XDH: variants seen among roughly 807,000 people sequenced by gnomAD.
XDH encodes xanthine dehydrogenase/oxidase.
XDH carries 138 observed loss-of-function variants against 156.1 expected under a neutral mutation model. The ratio of observed to expected loss-of-function variants is 0.88; its 90% CI spans 0.77 to 1.02. The LOEUF (loss-of-function observed/expected upper bound fraction) is 1.02. Among genes scored for constraint, XDH ranks in the 50% least tolerant of loss-of-function variants. XDH has a pLI of 0.00. For missense variants in XDH, 1,849 were observed against 1,684.9 expected, an observed-to-expected ratio of 1.10 and a Z score of -1.71; for synonymous variants, 669 against 625.7, an observed-to-expected ratio of 1.07 and a Z score of -1.03.
At chr2:31,353,429 C>G (rs554534766) in intron 24 of XDH, among the ~76,000 whole-genome samples, 2 of 152,214 alleles carry the variant, frequency 1.3e-5, no homozygotes, top group South Asian at 4.2e-4. Flanking sequence ...ACTAAAAACT[C>G]TGGAATTCTA....
rs750910746 is a variant in XDH at position 31,348,972 on chromosome 2, C to A, written c.2978G>T (p.Cys993Phe). 2.5e-6 allele frequency: 4 copies of A among 1,613,350 alleles called. No individual in the cohort carries two copies. The highest frequency in any genetic ancestry group is 2.5e-6 in the Non-Finnish European group (3 of 1,179,260). Residue 993 changes from cysteine to phenylalanine, a missense_variant, in exon 27 of 36, where the codon TGT becomes TTT. Physicochemically the swap from Cys to Phe is radical, Grantham distance 205. Transcript: ENST00000379416. ...TATGCACAATCCTCTCTTTTTCCAACAATTCTCCCTAGAGAAAAAGGAATA... is the reference window on the plus strand; with the variant it reads ...TATGCACAATCCTCTCTTTTTCCAAAAATTCTCCCTAGAGAAAAAGGAATA... ...SEVDKFNKEN[C>F]WKKRGLCIIP...
At chr2:31,347,014 C>A (rs1479975257) in intron 29 of XDH, among the ~76,000 whole-genome samples, 171 bp from the exon 30 acceptor site, 1 of 152,182 alleles carries the variant, frequency 6.6e-6, no homozygotes, top group South Asian at 2.1e-4. Flanking sequence ...GTAGAATCGA[C>A]AGGACCTGGC....
At chr2:31,405,847 C>G in intron 2 of XDH, 60 bp downstream of exon 2, 1 of 1,597,190 alleles carries the variant, frequency 6.3e-7, no homozygotes, top group Non-Finnish European at 8.6e-7. Context: ...AATGTAAGGC[C>G]TACAGAATCA....
Position 31,375,428 on chromosome 2 carries a change from C to T in XDH, c.1554G>A (p.Lys518=), listed in dbSNP as rs143879399. 3.1e-6 allele frequency: 5 copies of T among 1,614,080 alleles called. No individual in the cohort carries two copies. The African/African-American group carries it at 6.7e-5, about 22-fold the overall frequency. ...RCTLTLSFFF[K]FYLTVLQKLG... ...GCTTCTGAAGGACTGTCAGGTAGAA[C>T]TTGAAGAAGAAGCTGAGGGTGAGGG... The change falls in exon 15 of 36, where the codon AAG becomes AAA. Residue 518 remains lysine, a synonymous_variant. Coordinates refer to ENST00000379416, the MANE Select transcript of XDH (RefSeq NM_000379.4).
chr2:31,365,136 T>A (rs1027593192), intron 23 of XDH, among the ~76,000 whole-genome samples: 2 of 152,222 alleles, frequency 1.3e-5, no homozygotes, highest in African/African-American at 2.4e-5. Context: ...CCTGTGATCA[T>A]GTTAATGTTG....
At chr2:31,353,264 C>A (rs991996031) in intron 24 of XDH, among the ~76,000 whole-genome samples, 1 of 152,216 alleles carries the variant, frequency 6.6e-6, no homozygotes, top group Non-Finnish European at 1.5e-5. Context: ...TGGTCTTACC[C>A]TGGTCATTTA....
intron 14 of XDH, 50 bp from the exon 15 acceptor site, chr2:31,375,604 C>A: frequency 6.3e-7 from 1 of 1,595,510 alleles, no homozygotes; most frequent in Non-Finnish European, 8.5e-7. Flanking sequence ...CCCTCCAGAC[C>A]CCTTTGTGTA....
Position 31,365,502 on chromosome 2 carries a change from G to T in XDH, c.2499C>A (p.Asp833Glu), listed in dbSNP as rs766669526. The change falls in exon 23 of 36, where the codon GAC (aspartate) becomes GAA (glutamate). Residue 833 changes from aspartate (D) to glutamate (E), a missense_variant. Asp to Glu is a conservative substitution (Grantham distance 45, BLOSUM62 2). Transcript: ENST00000379416. ...PVRCMLDRDE[D>E]MLITGGRHPF... ...GATGTCTGCCACCAGTTATCAGCAT[G>T]TCCTCATCACGGTCCAGCATGCATC... 6.2e-7 allele frequency: 1 copy of T among 1,614,146 alleles called. No individual in the cohort carries two copies. The highest frequency in any genetic ancestry group is 8.5e-7 in the Non-Finnish European group (1 of 1,180,026).
intron 8 of XDH, among the ~76,000 whole-genome samples, chr2:31,386,992 GA>G (rs1157396262): frequency 1.2e-4 from 1 of 8,122 alleles, no homozygotes. Flanking sequence ...GGGAAGAAAG[GA>G]AGGAAGGAAG....
intron 6 of XDH, among the ~76,000 whole-genome samples, chr2:31,391,076 C>G (rs866037509): frequency 3.3e-5 from 5 of 152,098 alleles, no homozygotes; most frequent in Non-Finnish European, 7.4e-5. Context: ...TAGGTTTTCT[C>G]CTATGTCATC....
intron 24 of XDH, among the ~76,000 whole-genome samples, chr2:31,351,351 T>C (rs1685474946): frequency 6.6e-6 from 1 of 152,210 alleles, no homozygotes; most frequent in South Asian, 2.1e-4. Context: ...TTTTCCCCAA[T>C]TCTAAAAATC....
At position 31,335,635 on chromosome 2, in the gene XDH, T is replaced by C; in HGVS notation, c.*323A>G. ...GACAGACACCATCAGAACTTGAGGT[T>C]ATACAGGCTGTCCAGTAAGTGGGGA... is the stretch of plus-strand genomic sequence containing the variant. On this transcript the variant is annotated 3_prime_UTR_variant, in exon 36 of 36. Coordinates refer to ENST00000379416, the MANE Select transcript of XDH (RefSeq NM_000379.4). 2.2e-6 allele frequency: 1 copy of C among 449,834 alleles called. No individual in the cohort carries two copies. The highest frequency in any genetic ancestry group is 2.0e-5 in the African/African-American group (1 of 50,484). The allele number at this position is 449,834 out of a possible 1,614,324, so 27.9% of individuals were successfully genotyped here.
intron 13 of XDH, 91 bp downstream of exon 13, chr2:31,379,776 T>C: frequency 2.4e-6 from 3 of 1,232,606 alleles, no homozygotes; most frequent in Admixed American, 1.7e-5. Context: ...GATGCTCAGG[T>C]TGGTCCCTGA....
intron 5 of XDH, 150 bp downstream of exon 5, chr2:31,398,423 T>C: frequency 1.4e-6 from 2 of 1,441,910 alleles, no homozygotes; most frequent in Non-Finnish European, 1.9e-6. Flanking sequence ...GGGTTGGCTT[T>C]CTAGCAGATC....
intron 13 of XDH, among the ~76,000 whole-genome samples, chr2:31,379,264 G>A (rs1438513566): frequency 1.3e-5 from 2 of 152,170 alleles, no homozygotes; most frequent in Admixed American, 1.3e-4. Flanking sequence ...AGCCACTCAT[G>A]AAGCAGGAAT....
At position 31,349,824 on chromosome 2, in the gene XDH, C is replaced by T; in HGVS notation, c.2831G>A (p.Arg944Lys). 1 of 1,614,020 alleles carries T rather than the reference C, an allele frequency of 6.2e-7. No homozygotes were observed. Among genetic ancestry groups the T allele is most frequent in the Non-Finnish European group, 8.5e-7 (1 of 1,180,030 alleles). The change falls in exon 26 of 36, where the codon AGA becomes AAA. Residue 944 changes from arginine to lysine, a missense_variant. Physicochemically the swap from Arg to Lys is conservative, Grantham distance 26. Coordinates refer to ENST00000379416, the MANE Select transcript of XDH (RefSeq NM_000379.4). ...TCGMPAEEVR[R>K]KNLYKEGDLT... The stretch of plus-strand genomic sequence containing the variant: ...GTCCCCTTCTTTGTACAGGTTTTTT[C>T]TCCGCACCTTCCCAAGGAGAGAGAC...
At position 31,334,486 on chromosome 2, in the gene XDH, G is replaced by T. The variant is rs1684925290; in HGVS notation, c.*1472C>A. On this transcript the variant is annotated 3_prime_UTR_variant, in exon 36 of 36. Transcript: ENST00000379416. Reference sequence around the variant, plus strand: ...ACATTGTCCACCCAGCACCATGTAGGGATTAAATCACCATTTGGAGCAATA... The same window carrying T: ...ACATTGTCCACCCAGCACCATGTAGTGATTAAATCACCATTTGGAGCAATA... 6.6e-6 allele frequency: 1 copy of T among 152,072 alleles called. No homozygotes were observed. The highest frequency in any genetic ancestry group is 1.5e-5 in the Non-Finnish European group (1 of 68,012). 9.4% of individuals were successfully genotyped at this position (152,072 alleles called of 1,614,324 possible).
At position 31,398,689 on chromosome 2, in the gene XDH, G is replaced by T; in HGVS notation, c.317C>A (p.Ala106Asp). 1.2e-6 allele frequency: 2 copies of T among 1,613,860 alleles called. No homozygotes were observed. The highest frequency in any genetic ancestry group is 1.7e-6 in the Non-Finnish European group (2 of 1,179,898). ...CCCGCACTGGGAGCCGTGGCTTTTG[G>T]CAATTCTCTCCTAAAAGATACAGAT... ...TRLHPVQERI[A>D]KSHGSQCGFC... The change falls in exon 5 of 36, where the codon GCC becomes GAC. Residue 106 changes from alanine (A) to aspartate (D), a missense_variant. Ala to Asp is a moderately radical substitution (Grantham distance 126, BLOSUM62 -2). Coordinates refer to ENST00000379416, the MANE Select transcript of XDH (RefSeq NM_000379.4).
rs869184676 is a variant in XDH, at chr2:31,334,873, C to CT, written c.*1084dup. The CT allele has an allele frequency of 1.1e-4, 16 of 151,410 alleles. No homozygotes were observed. The highest frequency in any genetic ancestry group is 2.9e-4 in the African/African-American group (12 of 41,258). The allele number at this position is 151,410 out of a possible 1,614,324, so 9.4% of individuals were successfully genotyped here. A position where few individuals can be genotyped will look rare whatever the true frequency, so the allele number is the denominator to read the frequency against. ...GATTTTGATAGCAGCATTTTTATTTCTTTTTTTTTCTTCAGAGACAAGATC... is the reference window on the plus strand; with the variant it reads ...GATTTTGATAGCAGCATTTTTATTTCTTTTTTTTTTCTTCAGAGACAAGATC... On this transcript the variant is annotated 3_prime_UTR_variant, in exon 36 of 36. Coordinates refer to ENST00000379416, the MANE Select transcript of XDH (RefSeq NM_000379.4).
Sources: gnomAD v4.1 joint callset for allele counts (sites outside exome capture counted in the v4.1 genomes callset) on GRCh38, gnomAD v4.1.1 for gene constraint, MANE v1.5 for transcripts, NCBI Gene and HGNC (gene_info 2026-07-23, HGNC 2026-07-21) for gene names.